Variants in PSD3 observed in about 807,000 individuals in gnomAD.
PSD3 encodes the protein PH and SEC7 domain-containing protein 3.
PSD3 carries 49 observed loss-of-function variants against 105.5 expected under a neutral mutation model. The observed-to-expected ratio is 0.46, with a 90% CI of 0.37 to 0.59. PSD3 has a LOEUF of 0.59. Among genes scored for constraint, PSD3 ranks in the 20% least tolerant of loss-of-function variants. The pLI, the probability that PSD3 is intolerant of heterozygous loss-of-function variation, is 0.00. For missense variants in PSD3, 1,561 were observed against 1,263.8 expected (o/e 1.24, Z -3.57); for synonymous variants, 557 against 457.8 (o/e 1.22, Z -2.77).
intron 12 of PSD3, among the ~76,000 whole-genome samples, chr8:18,589,847 G>A (rs537619544): frequency 6.6e-6 from 1 of 152,300 alleles, no homozygotes; most frequent in South Asian, 2.1e-4. Context: ...CCAAAAGGTT[G>A]ATTTAAGAAA....
intron 11 of PSD3, among the ~76,000 whole-genome samples, chr8:18,604,095 C>T (rs1804638410): frequency 6.6e-6 from 1 of 151,760 alleles, no homozygotes; most frequent in Non-Finnish European, 1.5e-5. Flanking sequence ...GGATAAAAAT[C>T]AGAGGTTGGA....
At chr8:18,774,110 C>G (rs367964468) in intron 8 of PSD3, among the ~76,000 whole-genome samples, 5 of 152,132 alleles carry the variant, frequency 3.3e-5, no homozygotes, top group African/African-American at 1.2e-4. Flanking sequence ...TAGGTTTTTT[C>G]TTTTGTATAG....
At chr8:18,921,475 T>C (rs1863640) in intron 2 of PSD3, among the ~76,000 whole-genome samples, 1,587 of 152,328 alleles carry the variant, frequency 0.01, 24 homozygotes, top group African/African-American at 0.036. Context: ...GGAAGCTTTA[T>C]TATTTCTTAA....
At chr8:18,640,098 C>G (rs1391013140) in intron 10 of PSD3, among the ~76,000 whole-genome samples, 1 of 152,178 alleles carries the variant, frequency 6.6e-6, no homozygotes, top group Admixed American at 6.5e-5. Context: ...TGGAAGCAGA[C>G]TGTGGTCGTG....
chr8:18,810,047 C>G (rs1371336595), intron 4 of PSD3, among the ~76,000 whole-genome samples: 2 of 152,180 alleles, frequency 1.3e-5, no homozygotes, highest in South Asian at 4.1e-4. Context: ...AACCTGTCCT[C>G]TACCATTTCC....
intron 2 of PSD3, among the ~76,000 whole-genome samples, chr8:18,927,702 C>A (rs1368599843): frequency 6.6e-6 from 1 of 152,186 alleles, no homozygotes; most frequent in African/African-American, 2.4e-5. Flanking sequence ...TCCGAACCCT[C>A]CAATCCCGCT....
chr8:18,892,181 A>T (rs1818831060), intron 2 of PSD3, among the ~76,000 whole-genome samples: 1 of 151,210 alleles, frequency 6.6e-6, no homozygotes, highest in Admixed American at 6.6e-5. Flanking sequence ...ACAATCACAC[A>T]CACACACACA....
chr8:18,643,459 C>T (rs1167980864), intron 10 of PSD3, among the ~76,000 whole-genome samples: 2 of 152,192 alleles, frequency 1.3e-5, no homozygotes, highest in African/African-American at 4.8e-5. Flanking sequence ...AAATCAGATA[C>T]AGGTCAATTT....
rs778056594 is a variant in PSD3 at position 18,535,021 on chromosome 8, C to G, written c.*722G>C. On this transcript the variant is annotated 3_prime_UTR_variant, in exon 16 of 16. Transcript: ENST00000327040. ...CAAACAAAATTAACTGGGTATCAAT[C>G]TTTCCTCAGCCTTCAAAGGCAAAAT... 1 of 152,634 alleles carries G rather than the reference C, an allele frequency of 6.6e-6. No individual in the cohort carries two copies. Among genetic ancestry groups the G allele is most frequent in the African/African-American group, 2.4e-5 (1 of 41,462 alleles). The allele number at this position is 152,634 out of a possible 1,614,324, so 9.5% of individuals were successfully genotyped here. A position where few individuals can be genotyped will look rare whatever the true frequency, so the allele number is the denominator to read the frequency against.
chr8:18,671,864 C>G (rs1466641217), intron 9 of PSD3, among the ~76,000 whole-genome samples: 1 of 152,112 alleles, frequency 6.6e-6, no homozygotes, highest in African/African-American at 2.4e-5. Context: ...ATCTCCTGAC[C>G]TTGTTATCCG....
chr8:19,044,767 AG>A, intron 1 of PSD3, among the ~76,000 whole-genome samples: 1 of 152,236 alleles, frequency 6.6e-6, no homozygotes, highest in East Asian at 1.9e-4. Context: ...GGTACCATAA[AG>A]CCTTACAGAA....
chr8:18,827,852 T>C (rs897257311), intron 4 of PSD3, among the ~76,000 whole-genome samples: 18 of 151,536 alleles, frequency 1.2e-4, no homozygotes, highest in Admixed American at 9.9e-4. Context: ...CTTGAACACC[T>C]TGGTGAATCA....
chr8:18,659,703 T>C (rs1020021829), intron 9 of PSD3, among the ~76,000 whole-genome samples: 2 of 152,212 alleles, frequency 1.3e-5, no homozygotes, highest in African/African-American at 4.8e-5. Context: ...AGAGCCACCG[T>C]TGCTAGGACA....
At chr8:19,080,607 A>C (rs1829612742) in intron 1 of PSD3, among the ~76,000 whole-genome samples, 1 of 151,684 alleles carries the variant, frequency 6.6e-6, no homozygotes, top group Admixed American at 6.6e-5. Context: ...TCTCACACAA[A>C]CCCCCTGGCT....
chr8:18,601,275 A>C (rs1804420775), intron 11 of PSD3, among the ~76,000 whole-genome samples: 1 of 152,222 alleles, frequency 6.6e-6, no homozygotes, highest in South Asian at 2.1e-4. Context: ...TTTAGGATTT[A>C]TTATCTTAAT....
At chr8:18,800,031 T>C (rs1377463187) in intron 7 of PSD3, among the ~76,000 whole-genome samples, 1 of 152,220 alleles carries the variant, frequency 6.6e-6, no homozygotes, top group Non-Finnish European at 1.5e-5. Context: ...AAATAGACAC[T>C]ACCAAATGGC....
intron 4 of PSD3, among the ~76,000 whole-genome samples, chr8:18,851,604 G>A (rs1360572791): frequency 2.0e-5 from 3 of 152,200 alleles, no homozygotes; most frequent in African/African-American, 7.2e-5. Flanking sequence ...AAGCACATTC[G>A]GCTCTTGGTG....
At chr8:18,855,947 C>A (rs1815974450) in intron 4 of PSD3, among the ~76,000 whole-genome samples, 1 of 152,200 alleles carries the variant, frequency 6.6e-6, no homozygotes, top group Non-Finnish European at 1.5e-5. Flanking sequence ...AAGCCAACTG[C>A]ATAATGACTA....
chr8:18,921,571 CG>C (rs1207163999), intron 2 of PSD3, among the ~76,000 whole-genome samples: 12 of 152,182 alleles, frequency 7.9e-5, no homozygotes, highest in Admixed American at 4.6e-4. Context: ...CAGGTGGTCA[CG>C]GGGAGTCTCT....
Sources: gnomAD v4.1 joint callset for allele counts (sites outside exome capture counted in the v4.1 genomes callset) on GRCh38, gnomAD v4.1.1 for gene constraint, MANE v1.5 for transcripts, NCBI Gene and HGNC (gene_info 2026-07-23, HGNC 2026-07-21) for gene names.